POLR1A: variants seen among roughly 807,000 people sequenced by gnomAD.
POLR1A encodes the protein RNA polymerase I subunit A.
A neutral mutation model predicts 205.3 loss-of-function variants in POLR1A; 84 were observed. That is an observed-to-expected ratio of 0.41 (90% confidence interval 0.34 to 0.49). POLR1A has a LOEUF of 0.49. Ranked by LOEUF, POLR1A falls within the 20% of genes least tolerant of loss-of-function variation. POLR1A has a pLI of 0.22. For missense variants in POLR1A, 1,645 were observed against 2,204.5 expected (o/e 0.75, Z 5.08); for synonymous variants, 799 against 863.7 (o/e 0.93, Z 1.31).
rs1673259753 is a variant in POLR1A, at chr2:86,075,198, C to T, written c.1443G>A (p.Arg481=). The T allele has an allele frequency of 1.9e-6, 3 of 1,612,832 alleles. No homozygotes were observed. The highest frequency in any genetic ancestry group is 2.2e-5 in the East Asian group (1 of 44,878). ...CATTAGGGCCGTTGATGACCGCTTG[C>T]CTAAGTTCCTGAACATTCCATGGGG... ...PVTPWNVQEL[R]QAVINGPNVH... The change falls in exon 12 of 34, where the codon AGG becomes AGA. Residue 481 remains arginine, a synonymous_variant. Coordinates refer to ENST00000263857, the MANE Select transcript of POLR1A (RefSeq NM_015425.6).
chr2:86,078,333 A>T, intron 9 of POLR1A, 49 bp from the exon 10 acceptor site: 1 of 1,458,302 alleles, frequency 6.9e-7, no homozygotes, highest in Non-Finnish European at 9.3e-7. Flanking sequence ...AAGCTCCAAA[A>T]GGCCTGGCTT....
intron 14 of POLR1A, 35 bp downstream of exon 14, chr2:86,065,239 T>C (rs1359582494): frequency 6.3e-7 from 1 of 1,585,314 alleles, no homozygotes; most frequent in South Asian, 1.1e-5. Flanking sequence ...CCTATTTCCT[T>C]TTGTTACATA....
chr2:86,058,303 G>A (rs1185020622), intron 14 of POLR1A, among the ~76,000 whole-genome samples: 2 of 151,772 alleles, frequency 1.3e-5, no homozygotes, highest in African/African-American at 4.8e-5. Flanking sequence ...GTTTCACCAG[G>A]TTGGTCAGGC....
At chr2:86,041,801 T>C in intron 24 of POLR1A, 88 bp downstream of exon 24, 1 of 1,161,664 alleles carries the variant, frequency 8.6e-7, no homozygotes, top group Non-Finnish European at 1.3e-6. Flanking sequence ...GGCAGCCCTC[T>C]TCCGGAGTGA....
Position 86,049,216 on chromosome 2 carries a change from T to G in POLR1A, c.2419A>C (p.Lys807Gln). ...ATACGTTGCCTCTTGACATCTGCCTTTGGCTTCACCAAAATGTCTTCCACG... is the reference window on the plus strand; with the variant it reads ...ATACGTTGCCTCTTGACATCTGCCTGTGGCTTCACCAAAATGTCTTCCACG... ...LGVEDILVKP[K>Q]ADVKRQRIIE... is the part of the protein sequence containing the mutation. The change falls in exon 17 of 34, where the codon AAG (lysine) becomes CAG (glutamine). Residue 807 changes from lysine (K) to glutamine (Q), a missense_variant. Physicochemically the swap from Lys to Gln is moderately conservative, Grantham distance 53 (BLOSUM62 1). This residue lies in a region of POLR1A where 339 missense variants were observed against 415.1 expected (regional missense o/e 0.82). Transcript: ENST00000263857. The G allele has an allele frequency of 6.2e-7, 1 of 1,614,046 alleles. No individual in the cohort carries two copies. Among genetic ancestry groups the G allele is most frequent in the Non-Finnish European group, 8.5e-7 (1 of 1,179,906 alleles).
chr2:86,091,552 T>C (rs1046081447), intron 3 of POLR1A, among the ~76,000 whole-genome samples: 3 of 152,218 alleles, frequency 2.0e-5, no homozygotes, highest in Admixed American at 6.5e-5. Context: ...GTAAGGGTGA[T>C]AGTTACTTTG....
In POLR1A at chr2:86,041,350, G is replaced by GGT. The variant is rs145985805; in HGVS notation, c.3572+537_3572+538dup. 3.8e-3 allele frequency among the ~76,000 whole-genome samples: 492 copies of GGT among 129,944 alleles called. 27 individuals carry two copies. The East Asian group carries it at 0.091, about 24-fold the overall frequency. The allele number at this position is 129,944 out of a possible 152,430, so 85.2% of individuals were successfully genotyped here. A position where few individuals can be genotyped will look rare whatever the true frequency, so the allele number is the denominator to read the frequency against. On this transcript the variant is annotated intron_variant, in intron 24 of 33. Coordinates refer to ENST00000263857, the MANE Select transcript of POLR1A (RefSeq NM_015425.6). ...TTCAAATGGGAACCCAAAGCTCAAA[G>GGT]GTGTGTGTGTGTGTGCGCGCGCGCG...
intron 9 of POLR1A, among the ~76,000 whole-genome samples, chr2:86,079,784 A>C (rs1573827386): frequency 6.6e-6 from 1 of 151,272 alleles, no homozygotes; most frequent in Non-Finnish European, 1.5e-5. Context: ...CTGGTCTAAA[A>C]CTCCTGGGCT....
intron 13 of POLR1A, among the ~76,000 whole-genome samples, chr2:86,067,516 A>G (rs2104410403): frequency 6.6e-6 from 1 of 152,368 alleles, no homozygotes; most frequent in Admixed American, 6.5e-5. Flanking sequence ...AGTTCCATTC[A>G]ACTCCTATTT....
chr2:86,080,972 G>A lies in POLR1A; in HGVS notation c.930C>T (p.Arg310=). 1 of 1,611,348 alleles carries A rather than the reference G, an allele frequency of 6.2e-7. No homozygotes were observed. The highest frequency in any genetic ancestry group is 8.5e-7 in the Non-Finnish European group (1 of 1,178,610). ...TCTGGTCTCCTAGGCGACTGACTGG[G>A]CGATACCTGCAGGGGGACATACGGA... is the stretch of plus-strand genomic sequence containing the variant. ...DFLVVPPSRY[R]PVSRLGDQMF... Residue 310 remains arginine (R), a synonymous_variant, in exon 9 of 34, where the codon CGC becomes CGT. Transcript: ENST00000263857.
intron 27 of POLR1A, among the ~76,000 whole-genome samples, chr2:86,038,134 A>G (rs778998223): frequency 2.0e-5 from 3 of 152,236 alleles, no homozygotes; most frequent in Non-Finnish European, 4.4e-5. Context: ...TCTAACAGTA[A>G]CTTGAACTTG....
At chr2:86,051,860 G>A (rs992270136) in intron 16 of POLR1A, among the ~76,000 whole-genome samples, 2 of 152,240 alleles carry the variant, frequency 1.3e-5, no homozygotes, top group African/African-American at 2.4e-5. Context: ...TTTCTGGGGT[G>A]CAAACAAGGT....
At chr2:86,058,708 T>C (rs1672944432) in intron 14 of POLR1A, among the ~76,000 whole-genome samples, 1 of 152,052 alleles carries the variant, frequency 6.6e-6, no homozygotes. Flanking sequence ...AATTATTATT[T>C]ATACTAAGCC....
Position 86,033,584 on chromosome 2 carries a change from C to G in POLR1A, c.4161+77G>C, listed in dbSNP as rs920062288. On this transcript the variant is annotated intron_variant, in intron 28 of 33. Coordinates refer to ENST00000263857, the MANE Select transcript of POLR1A (RefSeq NM_015425.6). Reference sequence around the variant, plus strand: ...GCACCAGGATGGGGCTGGAGGAGCACAGAGAATAGGCACAGAGCCTGCCCA... The same window carrying G: ...GCACCAGGATGGGGCTGGAGGAGCAGAGAGAATAGGCACAGAGCCTGCCCA... 1.8e-5 allele frequency: 27 copies of G among 1,507,000 alleles called. No individual in the cohort carries two copies. The African/African-American group carries it at 3.2e-4, about 18-fold the overall frequency. 93.4% of individuals were successfully genotyped at this position (1,507,000 alleles called of 1,614,324 possible).
intron 16 of POLR1A, among the ~76,000 whole-genome samples, chr2:86,049,792 C>T (rs1345061324): frequency 1.3e-5 from 2 of 152,174 alleles, no homozygotes; most frequent in African/African-American, 4.8e-5. Flanking sequence ...AGCATTGCTT[C>T]AGGAGGATGA....
At position 86,083,076 on chromosome 2, in the gene POLR1A, C is replaced by T. The variant is rs764903339; in HGVS notation, c.817+6G>A. 1.9e-6 allele frequency: 3 copies of T among 1,606,432 alleles called. No individual in the cohort carries two copies. The highest frequency in any genetic ancestry group is 2.2e-5 in the South Asian group (2 of 90,912). ...TCAAGGCTATTTCTTTAGCCTGATA[C>T]AGCACCTTCATTCTTCCACAGGGCA... On this transcript the variant is annotated splice_donor_region_variant and intron_variant, in intron 7 of 33. Coordinates refer to ENST00000263857, the MANE Select transcript of POLR1A (RefSeq NM_015425.6).
intron 9 of POLR1A, 48 bp from the exon 10 acceptor site, chr2:86,078,332 A>G: frequency 6.8e-7 from 1 of 1,461,718 alleles, no homozygotes; most frequent in Non-Finnish European, 9.3e-7. Context: ...AAAGCTCCAA[A>G]AGGCCTGGCT....
In POLR1A at chr2:86,031,452, G is replaced by C. The variant is rs1672386979; in HGVS notation, c.4456C>G (p.Pro1486Ala). 6.2e-7 allele frequency: 1 copy of C among 1,614,194 alleles called. No homozygotes were observed. Among genetic ancestry groups the C allele is most frequent in the South Asian group, 1.1e-5 (1 of 91,090 alleles). The change falls in exon 30 of 34, where the codon CCC becomes GCC. Residue 1486 changes from proline (P) to alanine (A), a missense_variant. Pro to Ala is a conservative substitution (Grantham distance 27, BLOSUM62 -1). Transcript: ENST00000263857. ...CCCTGGGGCTCCTGGCTGTGGGTGG[G>C]TTTCCGGGGCTGCGTCAGGAGGGCG... ...LPALLTQPRK[P>A]THSQEPQGPE... is the part of the protein sequence containing the mutation.
At chr2:86,030,979 A>AG (rs1238903652) in intron 30 of POLR1A, among the ~76,000 whole-genome samples, 2 of 152,104 alleles carry the variant, frequency 1.3e-5, no homozygotes, top group Non-Finnish European at 2.9e-5. Context: ...AGATTAAAGG[A>AG]GGTGGTGTAT....
Sources: allele counts gnomAD v4.1 joint callset (sites outside exome capture counted in the v4.1 genomes callset), GRCh38; gene constraint gnomAD v4.1.1; regional missense constraint gnomAD v4.1.1; transcripts MANE v1.5; gene names NCBI Gene and HGNC (gene_info 2026-07-23, HGNC 2026-07-21).